The following FBXO28 variants were observed in gnomAD, a reference collection of about 807,000 sequenced individuals.
The protein encoded by FBXO28 is F-box only protein 28.
Under a neutral mutation model 38.1 loss-of-function variants are expected in FBXO28, and 8 were observed. That is an observed-to-expected ratio of 0.21 (90% CI 0.12 to 0.38). The LOEUF is 0.38. Among genes scored for constraint, FBXO28 ranks in the 10% least tolerant of loss-of-function variants. The pLI is 1.00. For synonymous variants in FBXO28, 168 were observed against 173.8 expected (o/e 0.97, Z 0.26); for missense variants, 345 against 460.6 (o/e 0.75, Z 2.30).
At chr1:224,139,309 T>TG (rs1288243452) in intron 3 of FBXO28, among the ~76,000 whole-genome samples, 2 of 151,826 alleles carry the variant, frequency 1.3e-5, no homozygotes, top group African/African-American at 4.9e-5. Context: ...ATTCTTTTTT[T>TG]TGTGTGTGTA....
chr1:224,148,617 G>A (rs1657568020), intron 3 of FBXO28, among the ~76,000 whole-genome samples: 1 of 151,196 alleles, frequency 6.6e-6, no homozygotes, highest in African/African-American at 2.4e-5. Context: ...AGCCAAGATC[G>A]CACCACCGCA....
At chr1:224,144,324 G>T (rs574540637) in intron 3 of FBXO28, among the ~76,000 whole-genome samples, 1 of 152,010 alleles carries the variant, frequency 6.6e-6, no homozygotes, top group Non-Finnish European at 1.5e-5. Flanking sequence ...TGCCAGGCAT[G>T]GTGGCACACA....
intron 2 of FBXO28, among the ~76,000 whole-genome samples, chr1:224,131,759 A>G (rs866710025): frequency 3.9e-5 from 6 of 152,216 alleles, no homozygotes; most frequent in Admixed American, 1.3e-4. Flanking sequence ...ATGAACTTGG[A>G]TTAGGCAGTG....
intron 1 of FBXO28, among the ~76,000 whole-genome samples, chr1:224,116,592 G>T (rs551950620): frequency 1.3e-5 from 2 of 152,188 alleles, no homozygotes; most frequent in Non-Finnish European, 2.9e-5. Context: ...AATGTCAGTT[G>T]TTAGGTAGGA....
intron 1 of FBXO28, among the ~76,000 whole-genome samples, chr1:224,122,454 C>T (rs1238666431): frequency 6.6e-6 from 1 of 152,128 alleles, no homozygotes; most frequent in Non-Finnish European, 1.5e-5. Context: ...TTTAACATTA[C>T]AGTTTGTATT....
chr1:224,139,026 G>A (rs1042373524), intron 3 of FBXO28, among the ~76,000 whole-genome samples: 5 of 151,512 alleles, frequency 3.3e-5, no homozygotes, highest in East Asian at 1.9e-4. Flanking sequence ...CTTGTGATGC[G>A]CCCACCTTAG....
intron 3 of FBXO28, 54 bp from the exon 4 acceptor site, chr1:224,153,088 T>C (rs1049689360): frequency 8.3e-6 from 12 of 1,451,680 alleles, no homozygotes; most frequent in Non-Finnish European, 1.1e-5. Context: ...GTTTAGCTAT[T>C]TTCTTTATTA....
At position 224,159,543 on chromosome 1, in the gene FBXO28, A is replaced by G. The variant is rs1008256489; in HGVS notation, c.*1797A>G. Reference sequence around the variant, plus strand: ...TTTAAAATAAAACAATTTCCAAAAAACATTTGTCAGCCAAGGTCATCCATA... The same window carrying G: ...TTTAAAATAAAACAATTTCCAAAAAGCATTTGTCAGCCAAGGTCATCCATA... On this transcript the variant is annotated 3_prime_UTR_variant, in exon 5 of 5. Coordinates refer to ENST00000366862, the MANE Select transcript of FBXO28 (RefSeq NM_015176.4). 1.3e-5 allele frequency: 2 copies of G among 152,650 alleles called. No individual in the cohort carries two copies. The highest frequency in any genetic ancestry group is 2.9e-5 in the Non-Finnish European group (2 of 68,048). The allele number at this position is 152,650 out of a possible 1,614,324, so 9.5% of individuals were successfully genotyped here. A position where few individuals can be genotyped will look rare whatever the true frequency, so the allele number is the denominator to read the frequency against.
chr1:224,158,777 C>T lies in FBXO28; in HGVS notation c.*1031C>T, dbSNP rs996828827. On this transcript the variant is annotated 3_prime_UTR_variant, in exon 5 of 5. Coordinates refer to ENST00000366862, the MANE Select transcript of FBXO28 (RefSeq NM_015176.4). Reference sequence around the variant, plus strand: ...AGATGTGGTGAGTGAGTAGGGGACTCGACTTGCGGGATGCAGTTTTGCCAT... The same window carrying T: ...AGATGTGGTGAGTGAGTAGGGGACTTGACTTGCGGGATGCAGTTTTGCCAT... 4.6e-5 allele frequency: 7 copies of T among 152,382 alleles called. No homozygotes were observed. The highest frequency in any genetic ancestry group is 6.6e-5 in the Admixed American group (1 of 15,262). 9.4% of individuals were successfully genotyped at this position (152,382 alleles called of 1,614,324 possible).
At chr1:224,119,135 C>CT (rs67458349) in intron 1 of FBXO28, among the ~76,000 whole-genome samples, 13,851 of 109,272 alleles carry the variant, frequency 0.13, 1,279 homozygotes, top group South Asian at 0.17. Context: ...TCTTTTTTTT[C>CT]TTTTTTTTTT....
rs1264917972 is a variant in FBXO28 at position 224,155,649 on chromosome 1, CTT to C, written c.713-1699_713-1698del. On this transcript the variant is annotated intron_variant, in intron 4 of 4. Transcript: ENST00000366862. ...TAAATTAGGAAAGAATTTAGTAAAA[CTT>C]TTTGTTTTGTTCAGATTAGTTAGCT... is the stretch of plus-strand genomic sequence containing the variant. Among the ~76,000 whole-genome samples the C allele has an allele frequency of 7.2e-5, 11 of 152,276 alleles. No homozygotes were observed. In the East Asian group the frequency reaches 1.9e-3, roughly 27 times the overall value.
chr1:224,139,175 A>G (rs1170296726), intron 3 of FBXO28, among the ~76,000 whole-genome samples: 2 of 151,848 alleles, frequency 1.3e-5, no homozygotes, highest in South Asian at 2.1e-4. Flanking sequence ...TTTTTACAGT[A>G]TAATTGACTA....
chr1:224,132,154 T>C (rs922858067), intron 2 of FBXO28, among the ~76,000 whole-genome samples: 2 of 151,964 alleles, frequency 1.3e-5, no homozygotes, highest in African/African-American at 2.4e-5. Flanking sequence ...TCAGGAGGCT[T>C]AGGCAGGAGA....
At chr1:224,136,100 A>ATTTTTTTTTTTTT (rs1558191323) in intron 3 of FBXO28, among the ~76,000 whole-genome samples, 2 of 8,644 alleles carry the variant, frequency 2.3e-4, no homozygotes, top group African/African-American at 1.1e-3. Flanking sequence ...TGTTGACTTC[A>ATTTTTTTTTTTTT]GTTTTTTTTT....
rs11804140 is a variant in FBXO28 at position 224,159,689 on chromosome 1, C to T, written c.*1943C>T. 0.93 allele frequency: 140,894 copies of T among 152,194 alleles called. 66,086 individuals carry two copies. The highest frequency in any genetic ancestry group is 1 in the Non-Finnish European group (67,884 of 68,046). The allele number at this position is 152,194 out of a possible 1,614,324, so 9.4% of individuals were successfully genotyped here. ...AATACCCGGGGCCTCTACTAGTCTG[C>T]TTTTCCGGTCATAGGAAGACTTTTT... On this transcript the variant is annotated 3_prime_UTR_variant, in exon 5 of 5. Coordinates refer to ENST00000366862, the MANE Select transcript of FBXO28 (RefSeq NM_015176.4).
At chr1:224,149,212 C>T (rs1346392286) in intron 3 of FBXO28, among the ~76,000 whole-genome samples, 2 of 151,528 alleles carry the variant, frequency 1.3e-5, no homozygotes, top group Non-Finnish European at 2.9e-5. Context: ...CAATAGAGAT[C>T]TTGTTTACAA....
rs191978926 is a variant in FBXO28, at chr1:224,144,299, A to G, written c.517-8843A>G. On this transcript the variant is annotated intron_variant, in intron 3 of 4. Transcript: ENST00000366862. ...AGCAACATAGGGAGACCTCGTCTCT[A>G]CAGAAAAAAAAAATTGCCAGGCATG... 2.0e-5 allele frequency among the ~76,000 whole-genome samples: 3 copies of G among 150,084 alleles called. No homozygotes were observed. In the East Asian group the frequency reaches 6.0e-4, roughly 30 times the overall value.
At chr1:224,141,730 C>G (rs1657359295) in intron 3 of FBXO28, among the ~76,000 whole-genome samples, 1 of 151,854 alleles carries the variant, frequency 6.6e-6, no homozygotes, top group Non-Finnish European at 1.5e-5. Flanking sequence ...AGAAAAGGTA[C>G]AGTAAAAGTA....
At chr1:224,124,186 A>G (rs1425356397) in intron 1 of FBXO28, among the ~76,000 whole-genome samples, 2 of 152,240 alleles carry the variant, frequency 1.3e-5, no homozygotes, top group African/African-American at 2.4e-5. Flanking sequence ...TGTGTCTTGC[A>G]TTATTAAGAA....
Sources: gnomAD v4.1 joint callset for allele counts (sites outside exome capture counted in the v4.1 genomes callset) on GRCh38, gnomAD v4.1.1 for gene constraint, MANE v1.5 for transcripts, NCBI Gene and HGNC (gene_info 2026-07-23, HGNC 2026-07-21) for gene names.